The following XKR6 variants were observed in gnomAD, a reference collection of about 807,000 sequenced individuals.
XKR6 encodes the protein XK related 6, also known as XK-related protein 6.
XKR6 carries 22 observed loss-of-function variants against 56.7 expected under a neutral mutation model. That is an observed-to-expected ratio of 0.39 (90% CI 0.28 to 0.55). The LOEUF (loss-of-function observed/expected upper bound fraction) is 0.55, where lower values mean the gene tolerates loss of function less well. Ranked by LOEUF, XKR6 falls within the 20% of genes least tolerant of loss-of-function variation. The pLI, the probability that XKR6 is intolerant of heterozygous loss-of-function variation, is 0.66. For synonymous variants in XKR6, 524 were observed against 387.8 expected (o/e 1.35, Z -4.13); for missense variants, 852 against 889.0 (o/e 0.96, Z 0.53).
intron 1 of XKR6, among the ~76,000 whole-genome samples, chr8:10,995,394 A>G (rs1235740870): frequency 5.4e-5 from 8 of 147,916 alleles, no homozygotes; most frequent in Admixed American, 4.8e-4. Context: ...TGATATATAT[A>G]GTAGATATAT....
intron 2 of XKR6, among the ~76,000 whole-genome samples, chr8:10,907,385 T>G (rs1222387817): frequency 6.6e-6 from 1 of 152,216 alleles, no homozygotes. Flanking sequence ...ATCTGCTAGT[T>G]TCTAGTAAGT....
chr8:10,966,080 G>C (rs1292481348), intron 1 of XKR6, among the ~76,000 whole-genome samples: 1 of 152,202 alleles, frequency 6.6e-6, no homozygotes, highest in East Asian at 1.9e-4. Context: ...TGGGTGGGGA[G>C]GAGGATTGCT....
intron 1 of XKR6, among the ~76,000 whole-genome samples, chr8:11,111,203 T>G (rs1361479851): frequency 1.3e-5 from 2 of 152,052 alleles, no homozygotes; most frequent in African/African-American, 4.8e-5. Context: ...GATTAAAGTT[T>G]CTGTCCTTCT....
At chr8:10,943,292 G>A (rs1027809100) in intron 1 of XKR6, among the ~76,000 whole-genome samples, 4 of 152,184 alleles carry the variant, frequency 2.6e-5, no homozygotes, top group African/African-American at 7.2e-5. Context: ...TTACTATGAT[G>A]AGCAGTCCCA....
chr8:11,039,885 G>A (rs1459274525), intron 1 of XKR6, among the ~76,000 whole-genome samples: 1 of 152,230 alleles, frequency 6.6e-6, no homozygotes, highest in Non-Finnish European at 1.5e-5. Flanking sequence ...AGAGCAAAAG[G>A]ACATCAGCCC....
At chr8:11,118,644 C>A (rs1166324856) in intron 1 of XKR6, among the ~76,000 whole-genome samples, 2 of 152,102 alleles carry the variant, frequency 1.3e-5, no homozygotes, top group Admixed American at 6.6e-5. Context: ...TCTGTGGGAT[C>A]GGTGGTGATA....
chr8:10,898,447 C>T lies in XKR6; in HGVS notation c.1431G>A (p.Leu477=), dbSNP rs763342884. The T allele has an allele frequency of 5.0e-6, 8 of 1,614,044 alleles. No individual in the cohort carries two copies. Among genetic ancestry groups the T allele is most frequent in the Non-Finnish European group, 5.9e-6 (7 of 1,180,018 alleles). ...CCACAAAGCTAATAAAGACACAACA[C>T]AGTGCTGGCACCGCATAGGAGTCAG... The part of the protein sequence containing the change: ...ETTDSYAVPA[L]CCVFISFVAG... The change falls in exon 3 of 3, where the codon CTG becomes CTA. Residue 477 remains leucine (L), a synonymous_variant. Transcript: ENST00000416569. The surrounding 1 kb of genome is among the most constrained non-coding windows in gnomAD (Gnocchi z 6.6).
chr8:11,113,457 A>G (rs1799005647), intron 1 of XKR6, among the ~76,000 whole-genome samples: 1 of 152,262 alleles, frequency 6.6e-6, no homozygotes, highest in Admixed American at 6.5e-5. Flanking sequence ...ATATTTGAAC[A>G]TGTAATAGCT....
intron 1 of XKR6, among the ~76,000 whole-genome samples, chr8:11,054,818 G>T (rs1799640579): frequency 6.6e-6 from 1 of 152,178 alleles, no homozygotes; most frequent in South Asian, 2.1e-4. Flanking sequence ...GGGGCCCTGG[G>T]AGCTCCTGGG....
rs773918967 is a variant in XKR6, at chr8:11,201,008, G to A, written c.332C>T (p.Ser111Leu). Reference protein sequence around the residue: ...PGAGRQPPTPSAARPEPPPPQ... With the variant: ...PGAGRQPPTPLAARPEPPPPQ... ...CGGCGGCGGCTCCGGCCGCGCGGCC[G>A]AGGGCGTCGGGGGTTGGCGGCCGGC... The change falls in exon 1 of 3, where the codon TCG (serine) becomes TTG (leucine). Residue 111 changes from serine to leucine, a missense_variant. Coordinates refer to ENST00000416569, the MANE Select transcript of XKR6 (RefSeq NM_173683.4). 1.5e-5 allele frequency: 21 copies of A among 1,372,502 alleles called. No individual in the cohort carries two copies. Among genetic ancestry groups the A allele is most frequent in the Middle Eastern group, 2.0e-4 (1 of 5,068 alleles). The allele number at this position is 1,372,502 out of a possible 1,614,324, so 85.0% of individuals were successfully genotyped here. A position where few individuals can be genotyped will look rare whatever the true frequency, so the allele number is the denominator to read the frequency against.
intron 1 of XKR6, among the ~76,000 whole-genome samples, chr8:11,018,798 A>G (rs4386942): frequency 0.24 from 36,338 of 151,268 alleles, 4,598 homozygotes; most frequent in Middle Eastern, 0.31. Flanking sequence ...GAAGACCCAA[A>G]CTCCTTTCCC....
At chr8:10,998,186 C>T (rs1798157927) in intron 1 of XKR6, among the ~76,000 whole-genome samples, 1 of 152,098 alleles carries the variant, frequency 6.6e-6, no homozygotes, top group Non-Finnish European at 1.5e-5. Context: ...CCCCTTCTCC[C>T]ACTGAGACAG....
At chr8:11,134,035 A>AG (rs1243666811) in intron 1 of XKR6, among the ~76,000 whole-genome samples, 1 of 152,170 alleles carries the variant, frequency 6.6e-6, no homozygotes, top group Non-Finnish European at 1.5e-5. Context: ...TCAGGCCCAC[A>AG]GCCCTGAGCC....
chr8:11,100,699 A>C (rs1798436295), intron 1 of XKR6, among the ~76,000 whole-genome samples: 1 of 152,242 alleles, frequency 6.6e-6, no homozygotes, highest in African/African-American at 2.4e-5. Context: ...ATCTTCTCAG[A>C]AAAATGTGTT....
chr8:11,068,936 C>T (rs575800368), intron 1 of XKR6, among the ~76,000 whole-genome samples: 2 of 152,366 alleles, frequency 1.3e-5, no homozygotes, highest in East Asian at 3.9e-4. Context: ...ATTCTCCCAT[C>T]TGCCCCTCCC....
intron 1 of XKR6, among the ~76,000 whole-genome samples, chr8:11,158,043 T>C (rs1338918913): frequency 6.6e-6 from 1 of 152,234 alleles, no homozygotes; most frequent in Non-Finnish European, 1.5e-5. Context: ...TTGGTATCTA[T>C]TTCTTGATGA....
intron 1 of XKR6, among the ~76,000 whole-genome samples, chr8:11,023,350 A>G (rs886703232): frequency 3.9e-5 from 6 of 152,190 alleles, no homozygotes; most frequent in Non-Finnish European, 7.3e-5. Flanking sequence ...GCTGGAGTGC[A>G]GTGGCATGAT....
intron 1 of XKR6, among the ~76,000 whole-genome samples, chr8:11,044,713 G>C (rs1459453561): frequency 2.6e-5 from 4 of 151,746 alleles, no homozygotes; most frequent in African/African-American, 4.8e-5. Flanking sequence ...CTGCCTCCTG[G>C]GTTCAAGTGA....
intron 2 of XKR6, among the ~76,000 whole-genome samples, chr8:10,918,952 G>C (rs1032011464): frequency 9.9e-5 from 15 of 152,114 alleles, no homozygotes; most frequent in African/African-American, 3.6e-4. Flanking sequence ...GGTGCTCCTA[G>C]CTCAGCCCTT....
Sources: allele counts gnomAD v4.1 joint callset (sites outside exome capture counted in the v4.1 genomes callset), GRCh38; gene constraint gnomAD v4.1.1; non-coding constraint Gnocchi (gnomAD v3.1); transcripts MANE v1.5; gene names NCBI Gene and HGNC (gene_info 2026-07-23, HGNC 2026-07-21).